MYCBP2: variants seen among roughly 807,000 people sequenced by gnomAD.
The protein encoded by MYCBP2 is E3 ubiquitin-protein ligase MYCBP2.
Under a neutral mutation model 525.3 loss-of-function variants are expected in MYCBP2, and 120 were observed. The ratio of observed to expected loss-of-function variants is 0.23; its 90% confidence interval spans 0.20 to 0.27. The LOEUF (loss-of-function observed/expected upper bound fraction) is 0.27. Ranked by LOEUF, MYCBP2 falls within the 10% of genes least tolerant of loss-of-function variation. The pLI is 1.00. For synonymous variants in MYCBP2, 1,894 were observed against 1,955.8 expected, an observed-to-expected ratio of 0.97 and a Z score of 0.83; for missense variants, 4,149 against 5,657.1, an observed-to-expected ratio of 0.73 and a Z score of 8.55.
intron 26 of MYCBP2, among the ~76,000 whole-genome samples, chr13:77,197,715 C>T (rs2061904056): frequency 6.6e-6 from 1 of 151,278 alleles, no homozygotes; most frequent in South Asian, 2.1e-4. Flanking sequence ...GAAAAAACTA[C>T]AGGTATGAAA....
At position 77,299,380 on chromosome 13, in the gene MYCBP2, G is replaced by C. The variant is rs530565505; in HGVS notation, c.303-2706C>G. 6.0e-4 allele frequency among the ~76,000 whole-genome samples: 91 copies of C among 152,250 alleles called. 1 individual carries two copies. The highest frequency in any genetic ancestry group is 2.1e-3 in the African/African-American group (89 of 41,566). ...TGAATCTGAACCCATCAATTCTTAA[G>C]TACAGGCCATCCAAGAACTAGCTAT... On this transcript the variant is annotated intron_variant, in intron 1 of 82. Transcript: ENST00000544440.
chr13:77,216,299 G>A (rs1594007603), intron 21 of MYCBP2, among the ~76,000 whole-genome samples: 1 of 152,172 alleles, frequency 6.6e-6, no homozygotes, highest in Non-Finnish European at 1.5e-5. Context: ...CTTGCTTAGA[G>A]TAAAAGGCCA....
intron 73 of MYCBP2, among the ~76,000 whole-genome samples, chr13:77,064,244 C>G (rs1799507426): frequency 6.6e-6 from 1 of 152,210 alleles, no homozygotes; most frequent in South Asian, 2.1e-4. Context: ...AGGCAGGGGT[C>G]TTGTCTCCAA....
rs2062754285 is a variant in MYCBP2, at chr13:77,202,557, A to G, written c.3843+2699T>C. ...TAACTCATTTTATGAGGCCAGCATCATCCTGATACCAAAGCCGGGCAGAGA... is the reference window on the plus strand; with the variant it reads ...TAACTCATTTTATGAGGCCAGCATCGTCCTGATACCAAAGCCGGGCAGAGA... On this transcript the variant is annotated intron_variant, in intron 26 of 82. Coordinates refer to ENST00000544440, the MANE Select transcript of MYCBP2 (RefSeq NM_015057.5). Among the ~76,000 whole-genome samples, 4 of 152,162 alleles carry G rather than the reference A, an allele frequency of 2.6e-5. 1 individual carries two copies. The highest frequency in any genetic ancestry group is 4.2e-4 in the South Asian group (2 of 4,800).
rs1566509214 is a variant in MYCBP2, at chr13:77,097,791, C to T, written c.9363G>A (p.Leu3121=). The part of the protein sequence containing the change: ...KMGSINKNKV[L]SMLKEPPLHE... ...GCAGAGGTGGTTCCTTAAGCATAGA[C>T]AATACCTTGTTTTTGTTGATGCTAC... Residue 3121 remains leucine, a synonymous_variant, in exon 56 of 83, where the codon TTG becomes TTA. Transcript: ENST00000544440. 10 of 1,613,754 alleles carry T rather than the reference C, an allele frequency of 6.2e-6. No individual in the cohort carries two copies. Among genetic ancestry groups the T allele is most frequent in the South Asian group, 2.2e-5 (2 of 91,074 alleles).
chr13:77,069,374 G>C (rs1021947904), intron 69 of MYCBP2, among the ~76,000 whole-genome samples: 1 of 152,154 alleles, frequency 6.6e-6, no homozygotes, highest in Non-Finnish European at 1.5e-5. Context: ...TGTAATCCCA[G>C]CAATTTGGGA....
At chr13:77,068,472 C>T (rs1266790195) in intron 70 of MYCBP2, 93 bp downstream of exon 70, 1 of 1,413,508 alleles carries the variant, frequency 7.1e-7, no homozygotes, top group Non-Finnish European at 9.5e-7. Flanking sequence ...AAAATCTATA[C>T]TTAGGGTCCT....
At chr13:77,182,078 T>G (rs1273122439) in intron 32 of MYCBP2, among the ~76,000 whole-genome samples, 156 bp from the exon 33 acceptor site, 1 of 152,172 alleles carries the variant, frequency 6.6e-6, no homozygotes, top group Non-Finnish European at 1.5e-5. Flanking sequence ...TAATACTACA[T>G]CTATATATTT....
intron 72 of MYCBP2, 144 bp from the exon 73 acceptor site, chr13:77,064,878 T>C: frequency 1.5e-6 from 1 of 654,904 alleles, no homozygotes; most frequent in Non-Finnish European, 2.2e-6. Context: ...GCACAAACTT[T>C]TGAACTAAAA....
chr13:77,164,190 G>A (rs2058272732), intron 43 of MYCBP2, among the ~76,000 whole-genome samples: 1 of 152,068 alleles, frequency 6.6e-6, no homozygotes, highest in Admixed American at 6.5e-5. Flanking sequence ...GTGCTTGGCT[G>A]AATATACACA....
In MYCBP2 at chr13:77,067,700, G is replaced by A; in HGVS notation, c.12336C>T (p.Cys4112=). The A allele has an allele frequency of 6.2e-7, 1 of 1,614,132 alleles. No homozygotes were observed. Among genetic ancestry groups the A allele is most frequent in the Non-Finnish European group, 8.5e-7 (1 of 1,180,016 alleles). Residue 4112 remains cysteine, a synonymous_variant, in exon 71 of 83, where the codon TGC becomes TGT. Coordinates refer to ENST00000544440, the MANE Select transcript of MYCBP2 (RefSeq NM_015057.5). Reference sequence around the variant, plus strand: ...GCTGTACAGTGAGTGCTTTGGCAATGCATCCTAGAAACATGTCCAAGATAC... The same window carrying A: ...GCTGTACAGTGAGTGCTTTGGCAATACATCCTAGAAACATGTCCAAGATAC... ...KLGILDMFLG[C]IAKALTVQLK...
At chr13:77,222,358 C>T (rs916753117) in intron 20 of MYCBP2, among the ~76,000 whole-genome samples, 2 of 152,132 alleles carry the variant, frequency 1.3e-5, no homozygotes, top group East Asian at 1.9e-4. Context: ...GATAGTTTTA[C>T]AAACCTCTTG....
intron 57 of MYCBP2, 78 bp from the exon 58 acceptor site, chr13:77,095,680 T>A: frequency 6.7e-7 from 1 of 1,495,680 alleles, no homozygotes; most frequent in Non-Finnish European, 9.0e-7. Context: ...GTATTTTGAG[T>A]TTCCAATAAA....
intron 14 of MYCBP2, among the ~76,000 whole-genome samples, chr13:77,254,072 T>G (rs1241566519): frequency 2.0e-5 from 3 of 151,948 alleles, no homozygotes; most frequent in Non-Finnish European, 4.4e-5. Flanking sequence ...TCATTTAGAT[T>G]TATATGTACC....
chr13:77,077,125 G>T, intron 67 of MYCBP2, 23 bp downstream of exon 67: 1 of 1,608,484 alleles, frequency 6.2e-7, no homozygotes, highest in South Asian at 1.1e-5. Context: ...TCCTGTGCTA[G>T]AATATGTTGT....
chr13:77,169,739 A>C, intron 38 of MYCBP2, 25 bp from the exon 39 acceptor site: 1 of 1,563,714 alleles, frequency 6.4e-7, no homozygotes, highest in Non-Finnish European at 8.8e-7. Context: ...AAAAGGCATT[A>C]AAACTATAGT....
chr13:77,103,210 C>T (rs1328282938), intron 55 of MYCBP2: 2 of 397,698 alleles, frequency 5.0e-6, no homozygotes, highest in Non-Finnish European at 8.9e-6. Flanking sequence ...TATACCCACC[C>T]TTCAGTTTGT....
chr13:77,167,580 T>C (rs2058684124), intron 40 of MYCBP2, among the ~76,000 whole-genome samples: 1 of 152,224 alleles, frequency 6.6e-6, no homozygotes, highest in Non-Finnish European at 1.5e-5. Flanking sequence ...GGATTTTATA[T>C]GGATTCTAAC....
In MYCBP2 at chr13:77,167,023, A is replaced by C. The variant is rs73241417; in HGVS notation, c.6115-469T>G. Among the ~76,000 whole-genome samples the C allele has an allele frequency of 6.6e-3, 653 of 98,934 alleles. 9 individuals are homozygous for C. The highest frequency in any genetic ancestry group is 0.064 in the Middle Eastern group (13 of 204). The allele number at this position is 98,934 out of a possible 152,430, so 64.9% of individuals were successfully genotyped here. On this transcript the variant is annotated intron_variant, in intron 40 of 82. Transcript: ENST00000544440. ...CACACACACACACACACACACACAC[A>C]CACCAAATGAAATAATTTAATGATT...
Sources: gnomAD v4.1 joint callset for allele counts (sites outside exome capture counted in the v4.1 genomes callset) on GRCh38, gnomAD v4.1.1 for gene constraint, MANE v1.5 for transcripts, NCBI Gene and HGNC (gene_info 2026-07-23, HGNC 2026-07-21) for gene names.